Variants in WWOX observed in about 807,000 individuals in gnomAD.
WWOX encodes the protein WW domain-containing oxidoreductase.
In WWOX, 69 loss-of-function variants were observed where a neutral mutation model predicts 46.2. That is an observed-to-expected ratio of 1.49 (90% confidence interval 1.23 to 1.82). The LOEUF (loss-of-function observed/expected upper bound fraction) is 1.82. WWOX is among the 40% of genes most tolerant of loss of function. The pLI is 0.00. For synonymous variants in WWOX, 359 were observed against 202.6 expected, an observed-to-expected ratio of 1.77 and a Z score of -6.56; for missense variants, 919 against 542.6, an observed-to-expected ratio of 1.69 and a Z score of -6.89.
intron 5 of WWOX, among the ~76,000 whole-genome samples, chr16:78,308,696 T>G (rs2080178847): frequency 6.6e-6 from 1 of 152,182 alleles, no homozygotes; most frequent in South Asian, 2.1e-4. Context: ...CTTTTTAGTT[T>G]TGATAAGAGA....
chr16:78,829,395 A>G (rs530602603), intron 8 of WWOX, among the ~76,000 whole-genome samples: 2 of 152,304 alleles, frequency 1.3e-5, no homozygotes, highest in East Asian at 3.9e-4. Flanking sequence ...TCAACAGATT[A>G]GATGAGATCC....
intron 8 of WWOX, among the ~76,000 whole-genome samples, chr16:78,674,111 A>G (rs1174240371): frequency 1.3e-5 from 2 of 152,134 alleles, no homozygotes; most frequent in Non-Finnish European, 2.9e-5. Context: ...TGATTGATTT[A>G]TAATTGAAAT....
At chr16:78,617,717 A>G (rs1020191919) in intron 8 of WWOX, among the ~76,000 whole-genome samples, 15 of 152,106 alleles carry the variant, frequency 9.9e-5, no homozygotes, top group Non-Finnish European at 1.9e-4. Context: ...GTCCCAGGAA[A>G]TCTTTGTGCA....
At chr16:78,185,044 G>A (rs1366585551) in intron 5 of WWOX, among the ~76,000 whole-genome samples, 4 of 152,076 alleles carry the variant, frequency 2.6e-5, no homozygotes, top group African/African-American at 4.8e-5. Flanking sequence ...GGAAGAGAGG[G>A]ATGTGCTGAC....
chr16:78,430,224 A>G (rs778247333), intron 7 of WWOX, among the ~76,000 whole-genome samples: 1 of 152,092 alleles, frequency 6.6e-6, no homozygotes, highest in Non-Finnish European at 1.5e-5. Context: ...ATTCACTACC[A>G]TGAGAACAGT....
chr16:79,102,851 C>T (rs538325746), intron 8 of WWOX, among the ~76,000 whole-genome samples: 19 of 152,254 alleles, frequency 1.2e-4, no homozygotes, highest in East Asian at 1.9e-4. Flanking sequence ...TCTTTGAAGA[C>T]GACAGGTGAA....
chr16:78,882,692 C>T (rs1469174976), intron 8 of WWOX, among the ~76,000 whole-genome samples: 3 of 151,898 alleles, frequency 2.0e-5, no homozygotes, highest in African/African-American at 7.3e-5. Flanking sequence ...TTTCACCTTG[C>T]TGGCCAGGCT....
intron 8 of WWOX, chr16:78,994,507 A>G (rs1245440867): frequency 6.6e-6 from 1 of 152,196 alleles, no homozygotes; most frequent in Non-Finnish European, 1.5e-5. Flanking sequence ...TTATCTGACA[A>G]ATGCAATGCG....
intron 8 of WWOX, among the ~76,000 whole-genome samples, chr16:78,967,878 C>T (rs1457868315): frequency 1.3e-5 from 2 of 152,176 alleles, no homozygotes; most frequent in Non-Finnish European, 2.9e-5. Context: ...TCCGGGGCCA[C>T]ATCAGTAGCT....
chr16:78,524,824 T>TC (rs1241676456), intron 8 of WWOX, among the ~76,000 whole-genome samples: 4 of 150,760 alleles, frequency 2.7e-5, no homozygotes, highest in East Asian at 1.9e-4. Context: ...TTATGGGTTT[T>TC]TTTTTTTTTT....
At chr16:78,792,070 G>C (rs2050616757) in intron 8 of WWOX, among the ~76,000 whole-genome samples, 1 of 152,076 alleles carries the variant, frequency 6.6e-6, no homozygotes, top group Admixed American at 6.6e-5. Flanking sequence ...CCTGTCCCTG[G>C]TGCGGGGGAG....
intron 8 of WWOX, among the ~76,000 whole-genome samples, chr16:78,947,828 G>C (rs1335203155): frequency 2.6e-5 from 4 of 152,198 alleles, no homozygotes; most frequent in South Asian, 2.1e-4. Context: ...ATATGTATAG[G>C]AGAAGCTCCA....
intron 5 of WWOX, among the ~76,000 whole-genome samples, chr16:78,351,068 A>ATATGAT (rs771102460): frequency 4.8e-4 from 73 of 152,324 alleles, no homozygotes; most frequent in Middle Eastern, 3.4e-3. Context: ...ACATCTCTTC[A>ATATGAT]TATGATTATT....
chr16:78,609,132 A>T (rs1011646897), intron 8 of WWOX, among the ~76,000 whole-genome samples: 2 of 152,184 alleles, frequency 1.3e-5, no homozygotes, highest in African/African-American at 4.8e-5. Flanking sequence ...ACAGAGGGGC[A>T]GGGGAAGGTT....
chr16:78,587,863 A>G (rs2045254294), intron 8 of WWOX, among the ~76,000 whole-genome samples: 1 of 152,194 alleles, frequency 6.6e-6, no homozygotes, highest in South Asian at 2.1e-4. Flanking sequence ...GTCAGGAAAC[A>G]TTAAGTTTCC....
intron 8 of WWOX, among the ~76,000 whole-genome samples, chr16:78,924,089 T>C (rs1393515300): frequency 2.0e-5 from 3 of 152,072 alleles, no homozygotes; most frequent in Non-Finnish European, 4.4e-5. Flanking sequence ...AGTGCTGGGA[T>C]TACAGACATG....
intron 8 of WWOX, among the ~76,000 whole-genome samples, chr16:78,838,701 G>T (rs1017927244): frequency 1.3e-5 from 2 of 152,046 alleles, no homozygotes; most frequent in African/African-American, 4.8e-5. Flanking sequence ...AAGTTAGCCG[G>T]GCGTGGTAGC....
At chr16:78,324,082 C>CTACAA (rs2080553308) in intron 5 of WWOX, among the ~76,000 whole-genome samples, 1 of 152,156 alleles carries the variant, frequency 6.6e-6, no homozygotes, top group Non-Finnish European at 1.5e-5. Context: ...TTGTTCAAGG[C>CTACAA]TACAGTAAGC....
At chr16:78,603,695 A>G (rs2045678549) in intron 8 of WWOX, among the ~76,000 whole-genome samples, 1 of 152,142 alleles carries the variant, frequency 6.6e-6, no homozygotes, top group African/African-American at 2.4e-5. Flanking sequence ...CACTCTCAAA[A>G]TAAGTAAATA....
Sources: gnomAD v4.1 joint callset for allele counts (sites outside exome capture counted in the v4.1 genomes callset) on GRCh38, gnomAD v4.1.1 for gene constraint, MANE v1.5 for transcripts, NCBI Gene and HGNC (gene_info 2026-07-23, HGNC 2026-07-21) for gene names.